The following VPS13C variants were observed in gnomAD, a reference collection of about 807,000 sequenced individuals.
VPS13C encodes intermembrane lipid transfer protein VPS13C.
Under a neutral mutation model 456.8 loss-of-function variants are expected in VPS13C, and 358 were observed. The observed-to-expected ratio is 0.78, with a 90% CI of 0.72 to 0.86. VPS13C has a LOEUF of 0.86. Ranked by LOEUF, VPS13C falls within the 40% of genes least tolerant of loss-of-function variation. VPS13C has a pLI of 0.00. For synonymous variants in VPS13C, 1,578 were observed against 1,486.7 expected, an observed-to-expected ratio of 1.06 and a Z score of -1.41; for missense variants, 4,818 against 4,385.4, an observed-to-expected ratio of 1.10 and a Z score of -2.79.
intron 47 of VPS13C, among the ~76,000 whole-genome samples, chr15:61,940,062 C>G (rs936818487): frequency 6.6e-6 from 1 of 151,098 alleles, no homozygotes; most frequent in Non-Finnish European, 1.5e-5. Flanking sequence ...TAACACCTTT[C>G]TAATTAAAAC....
At chr15:61,954,787 C>T (rs965997117) in intron 37 of VPS13C, among the ~76,000 whole-genome samples, 6 of 152,100 alleles carry the variant, frequency 3.9e-5, no homozygotes, top group Middle Eastern at 6.3e-3. Context: ...TGTTAATAGA[C>T]TCTATATAAA....
chr15:61,927,533 G>A (rs2043897470), intron 51 of VPS13C, among the ~76,000 whole-genome samples: 1 of 152,182 alleles, frequency 6.6e-6, no homozygotes, highest in Non-Finnish European at 1.5e-5. Flanking sequence ...CCTGTCCCAA[G>A]AATACCATTA....
intron 16 of VPS13C, among the ~76,000 whole-genome samples, chr15:61,999,919 AAAGG>A (rs1485504178): frequency 6.6e-6 from 1 of 151,796 alleles, no homozygotes; most frequent in Non-Finnish European, 1.5e-5. Flanking sequence ...AAAAAAAAAA[AAAGG>A]AGATAAAAAG....
In VPS13C at chr15:61,959,521, T is replaced by C; in HGVS notation, c.3983A>G (p.Asn1328Ser). The change falls in exon 36 of 85, where the codon AAT becomes AGT. Residue 1328 changes from asparagine to serine, a missense_variant. Around this residue, in one of 3 missense-constraint regions of VPS13C, gnomAD observed 4,552 missense variants for 4,130.6 expected, o/e 1.10. Transcript: ENST00000644861. The stretch of plus-strand genomic sequence containing the variant: ...GTACCAAGATGCAGCTAGATTCCGA[T>C]TTACAAGAAATTCCAAGTTAATTGG... The part of the protein sequence containing the change: ...LHPINLEFLV[N>S]RNLAASWYHK... The C allele has an allele frequency of 6.2e-7, 1 of 1,613,192 alleles. No individual in the cohort carries two copies. The highest frequency in any genetic ancestry group is 1.1e-5 in the South Asian group (1 of 91,010).
intron 29 of VPS13C, 52 bp downstream of exon 29, chr15:61,967,316 G>T: frequency 6.8e-7 from 1 of 1,460,762 alleles, no homozygotes; most frequent in Non-Finnish European, 9.5e-7. Context: ...CTTCCTTCCA[G>T]AGAAATAGTT....
Position 61,922,655 on chromosome 15 carries a change from C to G in VPS13C, c.6717G>C (p.Trp2239Cys), listed in dbSNP as rs1210888122. The part of the protein sequence containing the change: ...KDTSKEMENL[W>C]GIKSINDYNT... ...TATAATCATTAATCGATTTGATACC[C>G]CAAAGATTTTCCATTTCCTTAGACG... Residue 2239 changes from tryptophan to cysteine, a missense_variant, in exon 54 of 85, where the codon TGG (tryptophan) becomes TGC (cysteine). Trp to Cys is a radical substitution (Grantham distance 215, BLOSUM62 -2). Transcript: ENST00000644861. The G allele has an allele frequency of 2.5e-6, 4 of 1,613,876 alleles. No individual in the cohort carries two copies. In the East Asian group the frequency reaches 6.7e-5, roughly 27 times the overall value.
rs1465106783 is a variant in VPS13C at position 61,941,497 on chromosome 15, G to C, written c.5453+266C>G. Among the ~76,000 whole-genome samples, 4 of 151,968 alleles carry C rather than the reference G, an allele frequency of 2.6e-5. No individual in the cohort carries two copies. The East Asian group carries it at 7.7e-4, about 29-fold the overall frequency. On this transcript the variant is annotated intron_variant, in intron 46 of 84. Transcript: ENST00000644861. ...GAGAAAAATAAAAAATTTAAACTAAGTATTGAGTAAACTATAATTTTATAA... is the reference window on the plus strand; with the variant it reads ...GAGAAAAATAAAAAATTTAAACTAACTATTGAGTAAACTATAATTTTATAA...
chr15:61,967,270 A>G, intron 29 of VPS13C, 98 bp downstream of exon 29: 1 of 967,196 alleles, frequency 1.0e-6, no homozygotes, highest in Non-Finnish European at 1.6e-6. Context: ...AAACTGTGAT[A>G]CACATCCAGA....
chr15:61,995,437 C>A (rs2046350533), intron 16 of VPS13C, among the ~76,000 whole-genome samples: 1 of 152,156 alleles, frequency 6.6e-6, no homozygotes. Context: ...ATGGGCATGA[C>A]TTGCAACTAG....
intron 47 of VPS13C, among the ~76,000 whole-genome samples, chr15:61,939,720 C>T (rs553518686): frequency 1.3e-5 from 2 of 152,250 alleles, no homozygotes; most frequent in South Asian, 4.1e-4. Flanking sequence ...GTGGCCGGAG[C>T]ACGGTGGCTC....
chr15:62,010,033 C>CA (rs925918493), intron 13 of VPS13C, among the ~76,000 whole-genome samples: 5 of 151,406 alleles, frequency 3.3e-5, no homozygotes, highest in African/African-American at 1.2e-4. Flanking sequence ...TAAAAAAATA[C>CA]AAAAAAAATA....
At chr15:62,035,733 C>G (rs140822540) in intron 3 of VPS13C, among the ~76,000 whole-genome samples, 232 of 152,110 alleles carry the variant, frequency 1.5e-3, no homozygotes, top group African/African-American at 5.5e-3. Flanking sequence ...TTCCAAATAT[C>G]TACTTATAAA....
At chr15:61,921,606 A>T (rs956814581) in intron 55 of VPS13C, among the ~76,000 whole-genome samples, 1 of 152,114 alleles carries the variant, frequency 6.6e-6, no homozygotes, top group Non-Finnish European at 1.5e-5. Flanking sequence ...TATAAATAAC[A>T]TTTTTAATCA....
At chr15:62,033,601 A>G in intron 4 of VPS13C, 59 bp from the exon 5 acceptor site, 4 of 1,264,008 alleles carry the variant, frequency 3.2e-6, no homozygotes, top group Non-Finnish European at 4.4e-6. Context: ...AAACAAACGG[A>G]AAAAGTTCAG....
At chr15:62,011,974 G>C (rs2047056341) in intron 12 of VPS13C, 133 bp downstream of exon 12, 3 of 560,862 alleles carry the variant, frequency 5.3e-6, no homozygotes, top group Admixed American at 3.5e-5. Flanking sequence ...ACCCAAACAT[G>C]TTGTATCATA....
chr15:61,942,560 T>A (rs553102802), intron 45 of VPS13C, among the ~76,000 whole-genome samples: 101 of 150,202 alleles, frequency 6.7e-4, no homozygotes, highest in African/African-American at 1.9e-3. Context: ...TTTTTTTTTT[T>A]ATGTACTCAG....
At chr15:61,950,470 C>A in intron 40 of VPS13C, 53 bp from the exon 41 acceptor site, 2 of 1,335,288 alleles carry the variant, frequency 1.5e-6, no homozygotes, top group Non-Finnish European at 2.1e-6. Context: ...AAAATTCATA[C>A]ACTGAAAATA....
At chr15:61,939,993 CAAA>C (rs1166194792) in intron 47 of VPS13C, among the ~76,000 whole-genome samples, 3 of 94,312 alleles carry the variant, frequency 3.2e-5, no homozygotes, top group East Asian at 3.0e-4. Context: ...GACTCCGTCT[CAAA>C]AAAAAAAAAA....
In VPS13C at chr15:61,873,426, A is replaced by C. The variant is rs1206264047; in HGVS notation, c.10415-17T>G. ...CTGCACCACCTATCAAAGACAAGGG[A>C]TTAATTTCTAGAATATACAAGGAAC... is the stretch of plus-strand genomic sequence containing the variant. On this transcript the variant is annotated splice_polypyrimidine_tract_variant and intron_variant, in intron 77 of 84. Transcript: ENST00000644861. 6.2e-7 allele frequency: 1 copy of C among 1,612,184 alleles called. No individual in the cohort carries two copies. Among genetic ancestry groups the C allele is most frequent in the East Asian group, 2.2e-5 (1 of 44,852 alleles).
Sources: allele counts gnomAD v4.1 joint callset (sites outside exome capture counted in the v4.1 genomes callset), GRCh38; gene constraint gnomAD v4.1.1; regional missense constraint gnomAD v4.1.1; transcripts MANE v1.5; gene names NCBI Gene and HGNC (gene_info 2026-07-23, HGNC 2026-07-21).